The following BCO1 variants were observed in gnomAD, a reference collection of about 807,000 sequenced individuals.
BCO1 encodes beta-carotene oxygenase 1.
BCO1 carries 54 observed loss-of-function variants against 56.3 expected under a neutral mutation model. That is an observed-to-expected ratio of 0.96 (90% confidence interval 0.77 to 1.20). The LOEUF (loss-of-function observed/expected upper bound fraction) is 1.20. Ranked by LOEUF, BCO1 falls within the 50% of genes most tolerant of loss-of-function variation. The pLI is 0.00. For synonymous variants in BCO1, 318 were observed against 266.1 expected (o/e 1.20, Z -1.90); for missense variants, 801 against 690.9 (o/e 1.16, Z -1.79).
At position 81,270,297 on chromosome 16, in the gene BCO1, G is replaced by A. The variant is rs1330029626; in HGVS notation, c.982G>A (p.Asp328Asn). The A allele has an allele frequency of 1.2e-6, 2 of 1,613,984 alleles. No individual in the cohort carries two copies. The highest frequency in any genetic ancestry group is 2.7e-5 in the African/African-American group (2 of 74,904). The change falls in exon 7 of 11, where the codon GAC becomes AAC. Residue 328 changes from aspartate (D) to asparagine (N), a missense_variant. Physicochemically the swap from Asp to Asn is conservative, Grantham distance 23. Coordinates refer to ENST00000258168, the MANE Select transcript of BCO1 (RefSeq NM_017429.3). ...CGTGTTTGACGTCATTGCCTACGAGGACAACAGCCTCTACCAGCTCTTCTA... is the reference window on the plus strand; with the variant it reads ...CGTGTTTGACGTCATTGCCTACGAGAACAACAGCCTCTACCAGCTCTTCTA... ...CIVFDVIAYE[D>N]NSLYQLFYLA...
At chr16:81,244,717 C>CTTTTTTTTTTTTTTTT (rs55904406) in intron 1 of BCO1, among the ~76,000 whole-genome samples, 1 of 129,220 alleles carries the variant, frequency 7.7e-6, no homozygotes, top group African/African-American at 3.0e-5. Context: ...TTGCCCCTAT[C>CTTTTTTTTTTTTTTTT]TTTTTTTTTT....
chr16:81,253,823 C>T (rs540644889), intron 2 of BCO1, among the ~76,000 whole-genome samples: 266 of 152,244 alleles, frequency 1.7e-3, no homozygotes, highest in African/African-American at 6.2e-3. Context: ...ATTAGCCAGG[C>T]ATGGTAGCAC....
intron 10 of BCO1, among the ~76,000 whole-genome samples, chr16:81,289,284 C>A (rs1367026795): frequency 6.6e-6 from 1 of 152,120 alleles, no homozygotes; most frequent in African/African-American, 2.4e-5. Context: ...TTCCATTTTA[C>A]AGAGGGGAAG....
intron 10 of BCO1, 25 bp downstream of exon 10, chr16:81,287,431 A>C: frequency 6.4e-7 from 1 of 1,572,198 alleles, no homozygotes. Context: ...AGCCACGCCT[A>C]GTTGCTGCAC....
chr16:81,250,905 A>T lies in BCO1; in HGVS notation c.193+5302A>T, dbSNP rs533582475. Among the ~76,000 whole-genome samples, 328 of 152,170 alleles carry T rather than the reference A, an allele frequency of 2.2e-3. 1 individual carries two copies. Among genetic ancestry groups the T allele is most frequent in the Non-Finnish European group, 3.8e-3 (261 of 67,988 alleles). On this transcript the variant is annotated intron_variant, in intron 2 of 10. Transcript: ENST00000258168. ...CATTCAGTAAAGCTTTGAATCCTGA[A>T]AGCTGCACAGGGCTTGAGTGCATCA...
intron 5 of BCO1, among the ~76,000 whole-genome samples, chr16:81,265,901 C>T (rs1490057322): frequency 6.6e-6 from 1 of 151,894 alleles, no homozygotes; most frequent in Admixed American, 6.6e-5. Context: ...CATCCACCCA[C>T]CCAACATCCA....
At chr16:81,246,120 C>T (rs572363421) in intron 2 of BCO1, among the ~76,000 whole-genome samples, 4 of 152,152 alleles carry the variant, frequency 2.6e-5, no homozygotes, top group Admixed American at 2.6e-4. Flanking sequence ...TGAGCCACTG[C>T]GCCCGGCCTC....
rs190685114 is a variant in BCO1 at position 81,251,838 on chromosome 16, A to C, written c.193+6235A>C. ...GAAAGTTTCTTTTATATATACCCAC[A>C]CACACACACACACGCACACACACAC... On this transcript the variant is annotated intron_variant, in intron 2 of 10. Coordinates refer to ENST00000258168, the MANE Select transcript of BCO1 (RefSeq NM_017429.3). Among the ~76,000 whole-genome samples the C allele has an allele frequency of 3.6e-3, 533 of 147,358 alleles. 4 individuals carry two copies. Among genetic ancestry groups the C allele is most frequent in the African/African-American group, 0.013 (491 of 38,410 alleles).
intron 4 of BCO1, chr16:81,263,833 T>A (rs1442794074): frequency 6.6e-6 from 1 of 152,270 alleles, no homozygotes; most frequent in Non-Finnish European, 1.5e-5. Context: ...GCAATACGTT[T>A]TAACGATCTG....
At position 81,244,066 on chromosome 16, in the gene BCO1, C is replaced by G. The variant is rs900887363; in HGVS notation, c.65-1409C>G. Reference sequence around the variant, plus strand: ...AGCAGCTTCCAGGGGCATTACCTATCCGAGGTGCTTCCTGCTCTTCCTGCA... The same window carrying G: ...AGCAGCTTCCAGGGGCATTACCTATGCGAGGTGCTTCCTGCTCTTCCTGCA... On this transcript the variant is annotated intron_variant, in intron 1 of 10. Transcript: ENST00000258168. Among the ~76,000 whole-genome samples, 9 of 152,358 alleles carry G rather than the reference C, an allele frequency of 5.9e-5. 1 individual carries two copies. The highest frequency in any genetic ancestry group is 2.2e-4 in the African/African-American group (9 of 41,592).
intron 7 of BCO1, among the ~76,000 whole-genome samples, chr16:81,276,011 G>C (rs927982841): frequency 1.3e-5 from 2 of 152,248 alleles, no homozygotes; most frequent in Admixed American, 1.3e-4. Flanking sequence ...CGAGGTTCGT[G>C]TGCACCCACG....
Position 81,267,963 on chromosome 16 carries a change from C to T in BCO1, c.675C>T (p.Ile225=). The T allele has an allele frequency of 6.2e-7, 1 of 1,613,992 alleles. No individual in the cohort carries two copies. The highest frequency in any genetic ancestry group is 2.2e-5 in the East Asian group (1 of 44,858). ...AGCACACAGAGGTGTTCTGCTCCATCCCATCCCGCTCCCTGCTCTCCCCAA... is the reference window on the plus strand; with the variant it reads ...AGCACACAGAGGTGTTCTGCTCCATTCCATCCCGCTCCCTGCTCTCCCCAA... ...PWKHTEVFCS[I]PSRSLLSPSY... is the part of the protein sequence containing the mutation. Residue 225 remains isoleucine, a synonymous_variant, in exon 6 of 11, where the codon ATC becomes ATT. Transcript: ENST00000258168.
chr16:81,270,167 C>T lies in BCO1; in HGVS notation c.852C>T (p.Ile284=). Reference sequence around the variant, plus strand: ...TATGTGTCCTTTTTCAGACTTATATCCACATCATCGACCAAAGGACCAGGC... The same window carrying T: ...TATGTGTCCTTTTTCAGACTTATATTCACATCATCGACCAAAGGACCAGGC... ...LAFHREEKTY[I]HIIDQRTRQP... Residue 284 remains isoleucine (I), a synonymous_variant, in exon 7 of 11, where the codon ATC becomes ATT. Coordinates refer to ENST00000258168, the MANE Select transcript of BCO1 (RefSeq NM_017429.3). 1 of 1,614,130 alleles carries T rather than the reference C, an allele frequency of 6.2e-7. No individual in the cohort carries two copies. Among genetic ancestry groups the T allele is most frequent in the South Asian group, 1.1e-5 (1 of 91,080 alleles).
rs146092611 is a variant in BCO1 at position 81,238,961 on chromosome 16, C to T, written c.53C>T (p.Ala18Val). The T allele has an allele frequency of 4.9e-5, 79 of 1,613,664 alleles. No homozygotes were observed. The highest frequency in any genetic ancestry group is 6.6e-5 in the Non-Finnish European group (78 of 1,179,850). Residue 18 changes from alanine to valine, a missense_variant, in exon 1 of 11, where the codon GCC becomes GTC. Coordinates refer to ENST00000258168, the MANE Select transcript of BCO1 (RefSeq NM_017429.3). ...AAAGAACAGCTGGAGCCTGTGAGGG[C>T]CAAAGTGACAGGTGAGCATTCTGAT... ...NRKEQLEPVR[A>V]KVTGKIPAWL... is the part of the protein sequence containing the mutation.
intron 1 of BCO1, among the ~76,000 whole-genome samples, chr16:81,241,582 G>C (rs531768358): frequency 3.3e-5 from 5 of 152,178 alleles, no homozygotes; most frequent in Non-Finnish European, 7.3e-5. Context: ...CAGACACTTG[G>C]GGGGTGGAGC....
chr16:81,268,439 C>A (rs576139709), intron 6 of BCO1, among the ~76,000 whole-genome samples: 14 of 152,282 alleles, frequency 9.2e-5, no homozygotes, highest in African/African-American at 3.1e-4. Context: ...GTCCTCAGTC[C>A]TTATGGAGAG....
intron 7 of BCO1, among the ~76,000 whole-genome samples, chr16:81,272,397 C>T (rs939082150): frequency 4.4e-4 from 66 of 151,690 alleles, no homozygotes; most frequent in African/African-American, 5.8e-4. Context: ...GGATTACAGG[C>T]GTGAGCCACC....
chr16:81,246,064 G>T (rs1390860102), intron 2 of BCO1, among the ~76,000 whole-genome samples: 1 of 151,706 alleles, frequency 6.6e-6, no homozygotes, highest in Non-Finnish European at 1.5e-5. Flanking sequence ...CCTGACCTCA[G>T]ATGATCCGCC....
intron 3 of BCO1, among the ~76,000 whole-genome samples, chr16:81,260,930 A>T (rs1278249537): frequency 2.6e-5 from 4 of 152,200 alleles, no homozygotes; most frequent in African/African-American, 9.7e-5. Context: ...AACTCTCTAG[A>T]TGTAGAAGAG....
Sources: gnomAD v4.1 joint callset for allele counts (sites outside exome capture counted in the v4.1 genomes callset) on GRCh38, gnomAD v4.1.1 for gene constraint, MANE v1.5 for transcripts, NCBI Gene and HGNC (gene_info 2026-07-23, HGNC 2026-07-21) for gene names.